C1orf146: variants seen among roughly 807,000 people sequenced by gnomAD.
C1orf146 encodes the protein chromosome 1 open reading frame 146.
Under a neutral mutation model 23.0 loss-of-function variants are expected in C1orf146, and 22 were observed. That is an observed-to-expected ratio of 0.96 (90% CI 0.68 to 1.36). The LOEUF (loss-of-function observed/expected upper bound fraction) is 1.36, where lower values mean the gene tolerates loss of function less well. Among genes scored for constraint, C1orf146 ranks in the 40% most tolerant of loss-of-function variants. The pLI is 0.00. For synonymous variants in C1orf146, 59 were observed against 65.3 expected (o/e 0.90, Z 0.47); for missense variants, 199 against 206.8 (o/e 0.96, Z 0.23).
chr1:92,245,494 T>C (rs35714233), intron 5 of C1orf146, 46 bp from the exon 6 acceptor site: 5 of 1,463,976 alleles, frequency 3.4e-6, no homozygotes, highest in Non-Finnish European at 4.6e-6. Context: ...CTTGTGAAAA[T>C]ACCTTATTTC....
At chr1:92,233,078 T>G (rs1354995823) in intron 2 of C1orf146, among the ~76,000 whole-genome samples, 4 of 152,184 alleles carry the variant, frequency 2.6e-5, no homozygotes, top group Non-Finnish European at 5.9e-5. Flanking sequence ...ACTCTGATGG[T>G]AGTTTCTTTT....
chr1:92,244,799 G>A lies in C1orf146; in HGVS notation c.350G>A (p.Arg117Gln). The A allele has an allele frequency of 1.2e-6, 2 of 1,606,542 alleles. No homozygotes were observed. The highest frequency in any genetic ancestry group is 1.7e-6 in the Non-Finnish European group (2 of 1,173,972). The change falls in exon 5 of 6, where the codon CGA becomes CAA. Residue 117 changes from arginine to glutamine, a missense_variant. Transcript: ENST00000370375. ...TTCAGATTCCTGGGTTGTAACTTACGAATACTTCCAGTACACAACACAGTA... is the reference window on the plus strand; with the variant it reads ...TTCAGATTCCTGGGTTGTAACTTACAAATACTTCCAGTACACAACACAGTA... ...IQQRFLGCNLRILPVHNTVNA... is the reference protein window; with the variant it reads ...IQQRFLGCNLQILPVHNTVNA...
chr1:92,220,760 C>T (rs1353346939), intron 1 of C1orf146, among the ~76,000 whole-genome samples: 1 of 152,140 alleles, frequency 6.6e-6, no homozygotes, highest in East Asian at 1.9e-4. Context: ...ATGGACCATT[C>T]TAGCCTTGAG....
chr1:92,240,783 C>T, intron 2 of C1orf146: 1 of 263,326 alleles, frequency 3.8e-6, no homozygotes, highest in Non-Finnish European at 8.2e-6. Context: ...CTCAGCCTCC[C>T]AAAGTGCTAG....
intron 4 of C1orf146, 23 bp from the exon 5 acceptor site, chr1:92,244,756 G>A (rs1357768925): frequency 4.8e-6 from 7 of 1,448,732 alleles, no homozygotes; most frequent in Admixed American, 1.7e-5. Flanking sequence ...TATATGATCT[G>A]TATAACATGA....
intron 1 of C1orf146, among the ~76,000 whole-genome samples, chr1:92,227,945 T>C (rs1025474946): frequency 1.3e-5 from 2 of 152,268 alleles, no homozygotes; most frequent in African/African-American, 4.8e-5. Flanking sequence ...TTTTGGAAAA[T>C]TGACTTGGCC....
At chr1:92,221,755 G>GT (rs1346810381) in intron 1 of C1orf146, among the ~76,000 whole-genome samples, 2 of 152,134 alleles carry the variant, frequency 1.3e-5, no homozygotes, top group African/African-American at 4.8e-5. Flanking sequence ...ATTAATTTTA[G>GT]TTTCCATAGC....
chr1:92,245,539 G>C lies in C1orf146; in HGVS notation c.409-1G>C. 2 of 1,586,862 alleles carry C rather than the reference G, an allele frequency of 1.3e-6. No homozygotes were observed. Among genetic ancestry groups the C allele is most frequent in the Non-Finnish European group, 1.7e-6 (2 of 1,169,754 alleles). On this transcript the variant is annotated splice_acceptor_variant, in intron 5 of 5. Coordinates refer to ENST00000370375, the MANE Select transcript of C1orf146 (RefSeq NM_001012425.2). LOFTEE classifies it high-confidence loss of function. ...TGCTGCATCTTTATATCTTCTTCCA[G>C]ACTACCTCCAAACCATACATAGATA...
chr1:92,227,687 T>TATC (rs1359282228), intron 1 of C1orf146, among the ~76,000 whole-genome samples: 1 of 152,232 alleles, frequency 6.6e-6, no homozygotes, highest in Non-Finnish European at 1.5e-5. Flanking sequence ...TCAGCTATGA[T>TATC]ATCCTATGTT....
chr1:92,221,302 TACAA>T (rs1651812310), intron 1 of C1orf146, among the ~76,000 whole-genome samples: 1 of 151,976 alleles, frequency 6.6e-6, no homozygotes, highest in Non-Finnish European at 1.5e-5. Flanking sequence ...GACATAAAGA[TACAA>T]ACAATAGACA....
chr1:92,230,095 C>G (rs1427685356), intron 1 of C1orf146, among the ~76,000 whole-genome samples: 1 of 152,116 alleles, frequency 6.6e-6, no homozygotes, highest in Non-Finnish European at 1.5e-5. Context: ...AATATTCTCC[C>G]TTCTCTTAGT....
chr1:92,244,202 A>G lies in C1orf146; in HGVS notation c.161-15A>G. On this transcript the variant is annotated splice_polypyrimidine_tract_variant and intron_variant, in intron 3 of 5. Transcript: ENST00000370375. ...ATAACAAAGTGACATTTTATATTCA[A>G]TTCACCTTTCCTAGGAGTTGCATTT... is the stretch of plus-strand genomic sequence containing the variant. The G allele has an allele frequency of 6.5e-7, 1 of 1,548,068 alleles. No homozygotes were observed. Among genetic ancestry groups the G allele is most frequent in the Non-Finnish European group, 8.8e-7 (1 of 1,137,502 alleles).
intron 1 of C1orf146, among the ~76,000 whole-genome samples, chr1:92,224,073 C>T (rs894844112): frequency 3.5e-5 from 5 of 144,092 alleles, no homozygotes; most frequent in Admixed American, 7.0e-5. Flanking sequence ...TATTTTGAGA[C>T]GGAGTCTTGC....
chr1:92,238,577 C>G (rs1187319770), intron 2 of C1orf146, among the ~76,000 whole-genome samples: 1 of 151,996 alleles, frequency 6.6e-6, no homozygotes, highest in Non-Finnish European at 1.5e-5. Flanking sequence ...TTACTGTTTT[C>G]TCAATTCAAT....
chr1:92,244,526 T>G, intron 4 of C1orf146, 141 bp downstream of exon 4: 1 of 729,934 alleles, frequency 1.4e-6, no homozygotes, highest in Non-Finnish European at 2.2e-6. Context: ...ATGGGCCAAA[T>G]AGCTATTCTA....
At chr1:92,241,571 C>G (rs549823235) in intron 2 of C1orf146, among the ~76,000 whole-genome samples, 1 of 152,120 alleles carries the variant, frequency 6.6e-6, no homozygotes, top group African/African-American at 2.4e-5. Context: ...CTCACTGCAA[C>G]CTCCACCTCC....
intron 1 of C1orf146, chr1:92,229,264 G>C (rs1652049448): frequency 5.4e-6 from 3 of 556,622 alleles, no homozygotes; most frequent in Admixed American, 1.9e-5. Flanking sequence ...TTGGCGTACA[G>C]GTCTTTGAAG....
intron 2 of C1orf146, among the ~76,000 whole-genome samples, chr1:92,234,572 C>CT (rs1652224452): frequency 1.3e-5 from 2 of 152,108 alleles, no homozygotes; most frequent in Admixed American, 6.5e-5. Flanking sequence ...CTAAAATTCT[C>CT]TTTTTTTGTT....
intron 2 of C1orf146, among the ~76,000 whole-genome samples, chr1:92,232,974 G>T (rs931581561): frequency 2.6e-5 from 4 of 151,900 alleles, no homozygotes; most frequent in African/African-American, 9.7e-5. Context: ...TTTTCTTGTA[G>T]ATTTGTTTGA....
Sources: gnomAD v4.1 joint callset for allele counts (sites outside exome capture counted in the v4.1 genomes callset) on GRCh38, gnomAD v4.1.1 for gene constraint, MANE v1.5 for transcripts, NCBI Gene and HGNC (gene_info 2026-07-23, HGNC 2026-07-21) for gene names.